USB1: variants seen among roughly 807,000 people sequenced by gnomAD.
The protein encoded by USB1 is U6 snRNA biogenesis phosphodiesterase 1, also known as U6 snRNA phosphodiesterase 1.
A neutral mutation model predicts 29.9 loss-of-function variants in USB1; 21 were observed. The observed-to-expected ratio is 0.70, with a 90% CI of 0.50 to 1.01. The LOEUF is 1.01. USB1 is among the 50% of genes least tolerant of loss of function. The probability of loss-of-function intolerance (pLI) is 0.00; values close to 1 mark genes in which losing one functional copy is unlikely to be tolerated. For missense variants in USB1, 330 were observed against 347.1 expected (o/e 0.95, Z 0.39); for synonymous variants, 143 against 134.9 (o/e 1.06, Z -0.42).
upstream of USB1, among the ~76,000 whole-genome samples, chr16:58,000,762 G>A (rs1963161832): frequency 6.6e-6 from 1 of 151,670 alleles, no homozygotes. This position sits in a 1 kb window ranked among gnomAD's most constrained non-coding sequence, Gnocchi z 4.5. Context: ...AGGAGCGGGC[G>A]GCGCGGAGCG....
At chr16:58,003,100 C>T (rs1265604487) in intron 2 of USB1, among the ~76,000 whole-genome samples, 1 of 152,184 alleles carries the variant, frequency 6.6e-6, no homozygotes, top group East Asian at 1.9e-4. Flanking sequence ...TACTAGACTT[C>T]TCAGAGCTTC....
In USB1 at chr16:58,020,574, CCT is replaced by C. The variant is rs553004572; in HGVS notation, c.*336_*337del. 7.9e-4 allele frequency: 291 copies of C among 368,698 alleles called. 3 individuals carry two copies. The highest frequency in any genetic ancestry group is 2.7e-3 in the African/African-American group (116 of 42,590). The allele number at this position is 368,698 out of a possible 1,614,324, so 22.8% of individuals were successfully genotyped here. A position where few individuals can be genotyped will look rare whatever the true frequency, so the allele number is the denominator to read the frequency against. ...CTCTCCTCCCCTCCTCTCTTCCTCT[CCT>C]CTCTCTTCCTCTCCTCTCTCTACCC... On this transcript the variant is annotated 3_prime_UTR_variant, in exon 7 of 7. Transcript: ENST00000219281.
chr16:58,012,199 A>G (rs947271943), intron 3 of USB1: 9 of 1,491,684 alleles, frequency 6.0e-6, no homozygotes, highest in Middle Eastern at 3.9e-4. Context: ...GTCCCAATCC[A>G]GACACTCGGC....
intron 3 of USB1, chr16:58,011,151 C>T (rs1360622099): frequency 2.8e-6 from 4 of 1,408,216 alleles, no homozygotes. Context: ...ATGCTCCTAG[C>T]ACCCCTGCTG....
chr16:58,010,302 C>T, intron 3 of USB1, 190 bp downstream of exon 3: 1 of 654,268 alleles, frequency 1.5e-6, no homozygotes, highest in Non-Finnish European at 2.6e-6. Context: ...TCTTGACACC[C>T]CTGATGCCGT....
Position 58,001,500 on chromosome 16 carries a change from T to C in USB1, c.17T>C (p.Leu6Pro). Reference protein sequence around the residue: MSAAPLVGYSSSGSED... With the variant: MSAAPPVGYSSSGSED... ...TGAGGCCCCATGAGCGCGGCGCCCCTGGTGGGCTACAGCAGCAGCGGCTCC... is the reference window on the plus strand; with the variant it reads ...TGAGGCCCCATGAGCGCGGCGCCCCCGGTGGGCTACAGCAGCAGCGGCTCC... The change falls in exon 1 of 7, where the codon CTG becomes CCG. Residue 6 changes from leucine (L) to proline (P), a missense_variant. Physicochemically the swap from Leu to Pro is moderately conservative, Grantham distance 98. Transcript: ENST00000219281. 1 of 1,604,822 alleles carries C rather than the reference T, an allele frequency of 6.2e-7. No individual in the cohort carries two copies. The highest frequency in any genetic ancestry group is 1.3e-5 in the African/African-American group (1 of 74,842).
upstream of USB1, among the ~76,000 whole-genome samples, chr16:58,001,015 C>G (rs1263282960): frequency 6.6e-6 from 1 of 152,124 alleles, no homozygotes; most frequent in Non-Finnish European, 1.5e-5. Flanking sequence ...CCCCTAACTG[C>G]TCAGCTTGGC....
chr16:58,012,314 AC>A, intron 3 of USB1: 2 of 1,535,468 alleles, frequency 1.3e-6, no homozygotes, highest in Non-Finnish European at 1.7e-6. Context: ...GACTCTCTTA[AC>A]CACAGGTGCC....
rs747515828 is a variant in USB1, at chr16:58,001,455, C to T, written c.-29C>T. ...GGTGCCGGTTGAGGTTGCTGGTGGA[C>T]CTGCTCTGGTGGTCTTGGATGAGGC... On this transcript the variant is annotated 5_prime_UTR_variant, in exon 1 of 7. Coordinates refer to ENST00000219281, the MANE Select transcript of USB1 (RefSeq NM_024598.4). 4.4e-6 allele frequency: 7 copies of T among 1,578,128 alleles called. No homozygotes were observed. The highest frequency in any genetic ancestry group is 1.2e-5 in the South Asian group (1 of 86,328).
rs369515724 is a variant in USB1 at position 58,002,593 on chromosome 16, G to A, written c.213G>A (p.Val71=). The change falls in exon 2 of 7, where the codon GTG becomes GTA. Residue 71 remains valine (V), a synonymous_variant. Coordinates refer to ENST00000219281, the MANE Select transcript of USB1 (RefSeq NM_024598.4). Reference sequence around the variant, plus strand: ...ACAGCACAAAACACGGGGGACGGGTGCGCACCTTCCCCCACGAGCGAGGCA... The same window carrying A: ...ACAGCACAAAACACGGGGGACGGGTACGCACCTTCCCCCACGAGCGAGGCA... ...EDDSTKHGGR[V]RTFPHERGNW... is the part of the protein sequence containing the mutation. 94 of 1,613,938 alleles carry A rather than the reference G, an allele frequency of 5.8e-5. No individual in the cohort carries two copies. The highest frequency in any genetic ancestry group is 5.5e-4 in the Admixed American group (33 of 60,008).
intron 2 of USB1, among the ~76,000 whole-genome samples, chr16:58,007,902 G>T (rs954394813): frequency 6.6e-6 from 1 of 152,106 alleles, no homozygotes; most frequent in Non-Finnish European, 1.5e-5. Context: ...AGAATCGCTT[G>T]AACCTGGGAG....
At chr16:58,017,543 C>T (rs1013163082) in intron 5 of USB1, 104 bp downstream of exon 5, 15 of 1,052,816 alleles carry the variant, frequency 1.4e-5, no homozygotes, top group Non-Finnish European at 2.2e-5. Context: ...CCTTCAGAAC[C>T]TCCCGTGTCG....
At position 58,012,206 on chromosome 16, in the gene USB1, C is replaced by G. The variant is rs1042964685; in HGVS notation, c.450-2067C>G. On this transcript the variant is annotated intron_variant, in intron 3 of 6. Transcript: ENST00000219281. ...CAGGATTTGTCCCAATCCAGACACT[C>G]GGCCAGGGAATAAGGGCTGAAACTC... is the stretch of plus-strand genomic sequence containing the variant. 4 of 1,499,208 alleles carry G rather than the reference C, an allele frequency of 2.7e-6. No homozygotes were observed. In the African/African-American group the frequency reaches 5.6e-5, roughly 21 times the overall value. The allele number at this position is 1,499,208 out of a possible 1,614,324, so 92.9% of individuals were successfully genotyped here.
chr16:58,007,541 C>G (rs1033341116), intron 2 of USB1, among the ~76,000 whole-genome samples: 1 of 152,138 alleles, frequency 6.6e-6, no homozygotes, highest in African/African-American at 2.4e-5. Flanking sequence ...ACCACCACGC[C>G]TGGCTAATTT....
chr16:58,009,787 A>G, intron 2 of USB1, 142 bp from the exon 3 acceptor site: 1 of 716,306 alleles, frequency 1.4e-6, no homozygotes, highest in East Asian at 2.8e-5. Flanking sequence ...ATATTAGAAG[A>G]CATAGACATA....
chr16:58,007,579 G>A (rs1447052059), intron 2 of USB1, among the ~76,000 whole-genome samples: 3 of 152,018 alleles, frequency 2.0e-5, no homozygotes, highest in African/African-American at 7.2e-5. Context: ...ACACAGTTTC[G>A]CCATGTTGGC....
chr16:58,012,574 C>T (rs1430703429), intron 3 of USB1: 21 of 1,397,600 alleles, frequency 1.5e-5, no homozygotes, highest in Non-Finnish European at 1.9e-5. Context: ...CCTGGAAAGA[C>T]AGCCTCCCTC....
chr16:57,999,820 G>A (rs1395756520), upstream of USB1: 1 of 152,592 alleles, frequency 6.6e-6, no homozygotes, highest in Non-Finnish European at 1.5e-5. Context: ...ACAGAGAGGG[G>A]GAAGGTGGGC....
At chr16:58,001,849 G>T (rs1963210600) in intron 1 of USB1, among the ~76,000 whole-genome samples, 1 of 151,286 alleles carries the variant, frequency 6.6e-6, no homozygotes, top group Non-Finnish European at 1.5e-5. Flanking sequence ...TCTATCGCCT[G>T]GCACACATCC....
Sources: allele counts gnomAD v4.1 joint callset (sites outside exome capture counted in the v4.1 genomes callset), GRCh38; gene constraint gnomAD v4.1.1; non-coding constraint Gnocchi (gnomAD v3.1); transcripts MANE v1.5; gene names NCBI Gene and HGNC (gene_info 2026-07-23, HGNC 2026-07-21).